SYT6: variants seen among roughly 807,000 people sequenced by gnomAD.
SYT6 encodes synaptotagmin 6, also known as synaptotagmin-6.
SYT6 carries 24 observed loss-of-function variants against 38.4 expected under a neutral mutation model. The observed-to-expected ratio is 0.62, with a 90% CI of 0.45 to 0.88. The LOEUF (loss-of-function observed/expected upper bound fraction) is 0.88, where lower values mean the gene tolerates loss of function less well. Ranked by LOEUF, SYT6 falls within the 40% of genes least tolerant of loss-of-function variation. The pLI is 0.00. For missense variants in SYT6, 611 were observed against 621.0 expected, an observed-to-expected ratio of 0.98 and a Z score of 0.17; for synonymous variants, 265 against 241.9, an observed-to-expected ratio of 1.10 and a Z score of -0.89.
intron 3 of SYT6, among the ~76,000 whole-genome samples, chr1:114,130,188 T>C (rs1022419466): frequency 2.0e-5 from 3 of 149,296 alleles, no homozygotes; most frequent in African/African-American, 7.3e-5. Context: ...CAACCCAACT[T>C]TCCTATCACA....
intron 1 of SYT6, among the ~76,000 whole-genome samples, chr1:114,149,220 T>TGTGTGTGTGTGTGTGCGCGCGC: frequency 8.8e-6 from 1 of 114,012 alleles, no homozygotes; most frequent in African/African-American, 3.1e-5. Flanking sequence ...AGAGAGATTG[T>TGTGTGTGTGTGTGTGCGCGCGC]GTGTGTGTGT....
At chr1:114,105,598 C>CCAT (rs1240022129) in intron 3 of SYT6, among the ~76,000 whole-genome samples, 1 of 152,148 alleles carries the variant, frequency 6.6e-6, no homozygotes, top group Non-Finnish European at 1.5e-5. Context: ...GCAGAGCCAG[C>CCAT]CATCCCACAC....
chr1:114,123,253 C>T (rs981961683), intron 3 of SYT6, among the ~76,000 whole-genome samples: 13 of 152,208 alleles, frequency 8.5e-5, no homozygotes, highest in Non-Finnish European at 1.8e-4. Flanking sequence ...AAGGGAAATG[C>T]TTATCATGTT....
chr1:114,105,852 C>G (rs1324943988), intron 3 of SYT6, among the ~76,000 whole-genome samples: 1 of 152,224 alleles, frequency 6.6e-6, no homozygotes, highest in Admixed American at 6.5e-5. Context: ...CCCTTCTGCA[C>G]CTTGGCTTAC....
Position 114,093,835 on chromosome 1 carries a change from G to C in SYT6, c.1516-32C>G, listed in dbSNP as rs781293084. ...AAATATTTTAGATAAATAAATGCCTGGTTGTTGAGGCCACTGTGGCTTCTG... is the reference window on the plus strand; with the variant it reads ...AAATATTTTAGATAAATAAATGCCTCGTTGTTGAGGCCACTGTGGCTTCTG... On this transcript the variant is annotated intron_variant, in intron 6 of 7. Transcript: ENST00000610222. 1.1e-5 allele frequency: 18 copies of C among 1,603,644 alleles called. 1 individual carries two copies. Among genetic ancestry groups the C allele is most frequent in the Middle Eastern group, 3.3e-4 (2 of 6,056 alleles).
In SYT6 at chr1:114,123,032, G is replaced by C. The variant is rs530126822; in HGVS notation, c.1071+14463C>G. On this transcript the variant is annotated intron_variant, in intron 3 of 7. Coordinates refer to ENST00000610222, the MANE Select transcript of SYT6 (RefSeq NM_001253772.2). Reference sequence around the variant, plus strand: ...GGCACTCTGAGCTTGGCTGTTCCGCGTGCCCTCCTTCCTGCCTTTTTGCTT... The same window carrying C: ...GGCACTCTGAGCTTGGCTGTTCCGCCTGCCCTCCTTCCTGCCTTTTTGCTT... Among the ~76,000 whole-genome samples the C allele has an allele frequency of 1.1e-3, 160 of 152,286 alleles. 3 individuals carry two copies. Among genetic ancestry groups the C allele is most frequent in the Admixed American group, 5.0e-3 (76 of 15,308 alleles).
chr1:114,093,862 C>G, intron 6 of SYT6, 59 bp from the exon 7 acceptor site: 1 of 1,537,896 alleles, frequency 6.5e-7, no homozygotes, highest in Non-Finnish European at 9.0e-7. Context: ...TGGCTTCTGA[C>G]TCAAGTGTTT....
In SYT6 at chr1:114,099,017, T is replaced by A. The variant is rs368939951; in HGVS notation, c.1364+77A>T. Reference sequence around the variant, plus strand: ...AAGCTGAGCCCTGAATCACAAGGTCTAAGGTCAAGGAGCCCTGTGCTGGTG... The same window carrying A: ...AAGCTGAGCCCTGAATCACAAGGTCAAAGGTCAAGGAGCCCTGTGCTGGTG... On this transcript the variant is annotated intron_variant, in intron 5 of 7. Transcript: ENST00000610222. The A allele has an allele frequency of 6.6e-5, 97 of 1,461,914 alleles. No homozygotes were observed. The African/African-American group carries it at 1.2e-3, about 19-fold the overall frequency. The allele number at this position is 1,461,914 out of a possible 1,614,324, so 90.6% of individuals were successfully genotyped here.
rs114553309 is a variant in SYT6 at position 114,121,224 on chromosome 1, C to T, written c.1071+16271G>A. Among the ~76,000 whole-genome samples, 1,159 of 152,320 alleles carry T rather than the reference C, an allele frequency of 7.6e-3. 12 individuals are homozygous for T. The highest frequency in any genetic ancestry group is 0.025 in the African/African-American group (1,049 of 41,562). On this transcript the variant is annotated intron_variant, in intron 3 of 7. Transcript: ENST00000610222. Reference sequence around the variant, plus strand: ...CTTGCTGATATGAGATGGGCAGTGGCCTTGGTCTTTGGTGAGAAGGCTGGC... The same window carrying T: ...CTTGCTGATATGAGATGGGCAGTGGTCTTGGTCTTTGGTGAGAAGGCTGGC...
intron 3 of SYT6, among the ~76,000 whole-genome samples, chr1:114,127,877 G>A (rs529474855): frequency 6.6e-6 from 1 of 152,334 alleles, no homozygotes; most frequent in African/African-American, 2.4e-5. Context: ...GGAGCATGGG[G>A]GCAAATGAAC....
chr1:114,097,935 G>A, intron 5 of SYT6, 58 bp from the exon 6 acceptor site: 1 of 1,595,664 alleles, frequency 6.3e-7, no homozygotes, highest in Non-Finnish European at 8.6e-7. Context: ...AGAAAAGGAG[G>A]TCCAGTGTGG....
intron 3 of SYT6, among the ~76,000 whole-genome samples, chr1:114,135,284 C>CA (rs1553183790): frequency 2.6e-5 from 4 of 152,130 alleles, no homozygotes; most frequent in Non-Finnish European, 5.9e-5. Flanking sequence ...ATCAAGGAGA[C>CA]CTTCACCAGC....
At chr1:114,122,744 T>A (rs1342917647) in intron 3 of SYT6, among the ~76,000 whole-genome samples, 3 of 152,106 alleles carry the variant, frequency 2.0e-5, no homozygotes, top group Non-Finnish European at 2.9e-5. Flanking sequence ...TTGGATAGGA[T>A]TCACTAAAAA....
At chr1:114,097,000 G>T (rs925468043) in intron 6 of SYT6, among the ~76,000 whole-genome samples, 2 of 152,166 alleles carry the variant, frequency 1.3e-5, no homozygotes, top group African/African-American at 4.8e-5. Flanking sequence ...GGGATTCAGC[G>T]GAGGGTGGAG....
At chr1:114,139,166 CT>C (rs1678693335) in intron 2 of SYT6, among the ~76,000 whole-genome samples, 1 of 152,160 alleles carries the variant, frequency 6.6e-6, no homozygotes, top group Non-Finnish European at 1.5e-5. Flanking sequence ...TAAAGGAATC[CT>C]GATTCTCAAA....
chr1:114,149,758 T>A (rs1679350109), intron 1 of SYT6, among the ~76,000 whole-genome samples: 1 of 151,998 alleles, frequency 6.6e-6, no homozygotes, highest in African/African-American at 2.4e-5. Context: ...CCAGAAATTC[T>A]TTTCCCTCTA....
At chr1:114,128,784 C>A (rs1677904692) in intron 3 of SYT6, among the ~76,000 whole-genome samples, 1 of 152,208 alleles carries the variant, frequency 6.6e-6, no homozygotes, top group Non-Finnish European at 1.5e-5. Context: ...TGCTGTTAGT[C>A]TCCTTTGCTG....
At chr1:114,116,194 C>T (rs529626855) in intron 3 of SYT6, among the ~76,000 whole-genome samples, 3 of 152,284 alleles carry the variant, frequency 2.0e-5, no homozygotes, top group East Asian at 1.9e-4. Flanking sequence ...GGCCTCAGCC[C>T]GTCATTTCTC....
At chr1:114,141,391 A>G (rs116442562) in intron 1 of SYT6, among the ~76,000 whole-genome samples, 2,426 of 152,354 alleles carry the variant, frequency 0.016, 73 homozygotes, top group African/African-American at 0.055. Flanking sequence ...CATTCTCTTA[A>G]GCCAAAGCCT....
Sources: allele counts gnomAD v4.1 joint callset (sites outside exome capture counted in the v4.1 genomes callset), GRCh38; gene constraint gnomAD v4.1.1; transcripts MANE v1.5; gene names NCBI Gene and HGNC (gene_info 2026-07-23, HGNC 2026-07-21).